DTHD1: variants seen among roughly 807,000 people sequenced by gnomAD.
DTHD1 encodes the protein death domain containing 1, also known as death domain-containing protein 1.
In DTHD1, 59 loss-of-function variants were observed where a neutral mutation model predicts 74.8. The observed-to-expected ratio is 0.79, with a 90% CI of 0.64 to 0.98. The LOEUF (loss-of-function observed/expected upper bound fraction) is 0.98, where lower values mean the gene tolerates loss of function less well. Among genes scored for constraint, DTHD1 ranks in the 50% least tolerant of loss-of-function variants. DTHD1 has a pLI of 0.00. For missense variants in DTHD1, 1,051 were observed against 1,065.4 expected (o/e 0.99, Z 0.19); for synonymous variants, 365 against 371.1 (o/e 0.98, Z 0.19).
chr4:36,320,703 T>C (rs1355900772), intron 8 of DTHD1, among the ~76,000 whole-genome samples: 1 of 152,222 alleles, frequency 6.6e-6, no homozygotes, highest in East Asian at 1.9e-4. Flanking sequence ...GAATTGAAAC[T>C]ATGACATTTA....
chr4:36,319,079 C>T (rs572236687), intron 8 of DTHD1, among the ~76,000 whole-genome samples: 185 of 152,288 alleles, frequency 1.2e-3, no homozygotes, highest in Non-Finnish European at 2.4e-3. Flanking sequence ...AATCTGAGGT[C>T]ACTTTTTTAA....
chr4:36,319,197 A>G (rs573550044), intron 8 of DTHD1, among the ~76,000 whole-genome samples: 2 of 152,268 alleles, frequency 1.3e-5, no homozygotes, highest in South Asian at 4.1e-4. Flanking sequence ...AGCAAACTCC[A>G]TGAATGAAGG....
intron 3 of DTHD1, among the ~76,000 whole-genome samples, chr4:36,291,932 C>A (rs1389261650): frequency 6.6e-6 from 1 of 152,044 alleles, no homozygotes; most frequent in Non-Finnish European, 1.5e-5. Flanking sequence ...AAATATTTAT[C>A]TTTTTCAGCT....
chr4:36,296,699 C>A (rs114864160), intron 5 of DTHD1, among the ~76,000 whole-genome samples: 2 of 151,896 alleles, frequency 1.3e-5, no homozygotes, highest in Non-Finnish European at 2.9e-5. Context: ...TTATTATACA[C>A]ATTATTAATT....
At position 36,316,481 on chromosome 4, in the gene DTHD1, C is replaced by A; in HGVS notation, c.2335C>A (p.Pro779Thr). The part of the protein sequence containing the change: ...LPICKLPLKL[P>T]KHKKLINRPQ... Reference sequence around the variant, plus strand: ...AATTTGCAAATTACCATTGAAATTGCCAAAGGTGAGTTATTTTACTTTTCT... The same window carrying A: ...AATTTGCAAATTACCATTGAAATTGACAAAGGTGAGTTATTTTACTTTTCT... The change falls in exon 8 of 10, where the codon CCA (proline) becomes ACA (threonine). Residue 779 changes from proline (P) to threonine (T), a missense_variant. Coordinates refer to ENST00000639862, the MANE Select transcript of DTHD1 (RefSeq NM_001170700.3). 1 of 1,546,874 alleles carries A rather than the reference C, an allele frequency of 6.5e-7. No individual in the cohort carries two copies. The highest frequency in any genetic ancestry group is 8.7e-7 in the Non-Finnish European group (1 of 1,145,660).
chr4:36,345,572 G>A lies in DTHD1; in HGVS notation c.*1748G>A, dbSNP rs1012853755. On this transcript the variant is annotated 3_prime_UTR_variant, in exon 10 of 10. Transcript: ENST00000639862. Reference sequence around the variant, plus strand: ...TATTCAGGTATATATCAAAAAAGGCGATTCCCATTTTCAAACATAGTCCCA... The same window carrying A: ...TATTCAGGTATATATCAAAAAAGGCAATTCCCATTTTCAAACATAGTCCCA... 1.3e-4 allele frequency: 20 copies of A among 152,040 alleles called. No individual in the cohort carries two copies. Among genetic ancestry groups the A allele is most frequent in the Admixed American group, 1.3e-3 (20 of 15,258 alleles). 9.4% of individuals were successfully genotyped at this position (152,040 alleles called of 1,614,324 possible).
chr4:36,320,091 C>G (rs1757964286), intron 8 of DTHD1, among the ~76,000 whole-genome samples: 1 of 152,168 alleles, frequency 6.6e-6, no homozygotes, highest in South Asian at 2.1e-4. Context: ...GCTGTAATGG[C>G]TTTTCAGGGA....
At chr4:36,324,915 A>G (rs1050409128) in intron 8 of DTHD1, among the ~76,000 whole-genome samples, 1 of 152,132 alleles carries the variant, frequency 6.6e-6, no homozygotes, top group Non-Finnish European at 1.5e-5. Context: ...TGCTTCAGGG[A>G]GCAAAATGAT....
intron 7 of DTHD1, among the ~76,000 whole-genome samples, chr4:36,314,231 C>G (rs1757566359): frequency 6.6e-6 from 1 of 151,858 alleles, no homozygotes; most frequent in African/African-American, 2.4e-5. Flanking sequence ...GCAGTCAGGA[C>G]CGGGAGAAGG....
intron 8 of DTHD1, among the ~76,000 whole-genome samples, chr4:36,318,657 C>T (rs1757876390): frequency 6.7e-6 from 1 of 149,582 alleles, no homozygotes; most frequent in African/African-American, 2.5e-5. Context: ...CTCTGTCGCC[C>T]AGGCTGGAGT....
chr4:36,300,012 A>G (rs1173836669), intron 5 of DTHD1, among the ~76,000 whole-genome samples: 1 of 152,036 alleles, frequency 6.6e-6, no homozygotes, highest in African/African-American at 2.4e-5. Flanking sequence ...CTCCCTAATT[A>G]TCTTTAGAGT....
intron 7 of DTHD1, among the ~76,000 whole-genome samples, chr4:36,313,317 A>G (rs1221853336): frequency 6.6e-6 from 1 of 152,156 alleles, no homozygotes; most frequent in East Asian, 1.9e-4. Flanking sequence ...AGAAAAAGAA[A>G]AAGATTCTCA....
intron 5 of DTHD1, among the ~76,000 whole-genome samples, chr4:36,296,050 G>A (rs1756376948): frequency 6.6e-6 from 1 of 152,232 alleles, no homozygotes; most frequent in South Asian, 2.1e-4. Flanking sequence ...AAACTGAAAT[G>A]TAGGTTTAAA....
intron 8 of DTHD1, among the ~76,000 whole-genome samples, chr4:36,317,632 C>A (rs764254839): frequency 1.3e-5 from 2 of 152,046 alleles, no homozygotes; most frequent in Non-Finnish European, 2.9e-5. Flanking sequence ...ATATGTATCT[C>A]AAATTATATG....
chr4:36,292,365 A>T (rs954701359), intron 3 of DTHD1, among the ~76,000 whole-genome samples: 2 of 152,240 alleles, frequency 1.3e-5, no homozygotes, highest in Non-Finnish European at 2.9e-5. Flanking sequence ...ATCATTGTCT[A>T]TCATAACAAA....
intron 9 of DTHD1, among the ~76,000 whole-genome samples, chr4:36,341,306 C>A (rs2109582465): frequency 6.6e-6 from 1 of 152,066 alleles, no homozygotes; most frequent in Admixed American, 6.5e-5. Flanking sequence ...GATTAAGGGG[C>A]AGGTGTGAAG....
At position 36,294,873 on chromosome 4, in the gene DTHD1, CCT is replaced by C; in HGVS notation, c.1480_1481del (p.Leu494AspfsTer26). 2 of 1,551,832 alleles carry C rather than the reference CCT, an allele frequency of 1.3e-6. No individual in the cohort carries two copies. Among genetic ancestry groups the C allele is most frequent in the South Asian group, 2.4e-5 (2 of 84,048 alleles). ...TTTCTACTCAGTCCAATCCACAAGC[CCT>C]CTGATTCACATTCAGCACCCATCAA... ...DTFYSVQSTSPLIHIQHPSTY... is the reference protein window; with the variant it reads ...DTFYSVQSTSXLIHIQHPSTY... On this transcript the variant is annotated frameshift_variant, in exon 5 of 10. Coordinates refer to ENST00000639862, the MANE Select transcript of DTHD1 (RefSeq NM_001170700.3). LOFTEE classifies it high-confidence loss of function.
At chr4:36,336,559 A>T (rs576722680) in intron 8 of DTHD1, among the ~76,000 whole-genome samples, 1 of 152,278 alleles carries the variant, frequency 6.6e-6, no homozygotes, top group East Asian at 1.9e-4. Flanking sequence ...TGTCTTGAGT[A>T]ATCACCCATT....
At chr4:36,293,325 T>A (rs534200498) in intron 3 of DTHD1, among the ~76,000 whole-genome samples, 30 of 152,350 alleles carry the variant, frequency 2.0e-4, no homozygotes, top group African/African-American at 6.7e-4. Context: ...TTTTATTGTG[T>A]AGTCTAAATT....
Sources: allele counts gnomAD v4.1 joint callset (sites outside exome capture counted in the v4.1 genomes callset), GRCh38; gene constraint gnomAD v4.1.1; transcripts MANE v1.5; gene names NCBI Gene and HGNC (gene_info 2026-07-23, HGNC 2026-07-21).